The following ARL5A variants were observed in gnomAD, a reference collection of about 807,000 sequenced individuals.
ARL5A encodes ADP-ribosylation factor-like protein 5A.
In ARL5A, 18 loss-of-function variants were observed where a neutral mutation model predicts 25.9. The observed-to-expected ratio is 0.69, with a 90% CI of 0.48 to 1.03. ARL5A has a LOEUF of 1.03. ARL5A is among the 50% of genes least tolerant of loss of function. The probability of loss-of-function intolerance (pLI) is 0.00; values close to 1 mark genes in which losing one functional copy is unlikely to be tolerated. For missense variants in ARL5A, 170 were observed against 211.9 expected (o/e 0.80, Z 1.23); for synonymous variants, 61 against 67.5 (o/e 0.90, Z 0.47).
chr2:151,811,810 G>A lies in ARL5A; in HGVS notation c.339+547C>T, dbSNP rs184365460. On this transcript the variant is annotated intron_variant, in intron 4 of 5. Coordinates refer to ENST00000295087, the MANE Select transcript of ARL5A (RefSeq NM_012097.4). Reference sequence around the variant, plus strand: ...TGGTCTTGAACTCTTGGGCTCAAGCGATCCCCCCACCTCAGTCTCCTAAAG... The same window carrying A: ...TGGTCTTGAACTCTTGGGCTCAAGCAATCCCCCCACCTCAGTCTCCTAAAG... Among the ~76,000 whole-genome samples, 226 of 152,232 alleles carry A rather than the reference G, an allele frequency of 1.5e-3. 4 individuals are homozygous for A. The highest frequency in any genetic ancestry group is 0.014 in the Admixed American group (220 of 15,286).
chr2:151,811,513 GTAA>G (rs1272562922), intron 4 of ARL5A, among the ~76,000 whole-genome samples: 4 of 151,404 alleles, frequency 2.6e-5, no homozygotes, highest in Admixed American at 2.6e-4. Context: ...TTATGTTACC[GTAA>G]TATTTTTCTA....
chr2:151,824,746 CG>C (rs1184774000), intron 1 of ARL5A, among the ~76,000 whole-genome samples: 29 of 152,264 alleles, frequency 1.9e-4, no homozygotes, highest in Non-Finnish European at 3.5e-4. Flanking sequence ...TGCAAATGTG[CG>C]TGCGTGCATG....
Position 151,814,139 on chromosome 2 carries a change from T to C in ARL5A, c.255+30A>G, listed in dbSNP as rs75079368. 2.9e-4 allele frequency: 446 copies of C among 1,526,504 alleles called. No individual in the cohort carries two copies. In the African/African-American group the frequency reaches 4.6e-3, roughly 16 times the overall value. 94.6% of individuals were successfully genotyped at this position (1,526,504 alleles called of 1,614,324 possible). ...AGATGTTTTCCAAGCATTCTGTTTATAGAATTTTAAATATTGTAAGAAACA... is the reference window on the plus strand; with the variant it reads ...AGATGTTTTCCAAGCATTCTGTTTACAGAATTTTAAATATTGTAAGAAACA... On this transcript the variant is annotated intron_variant, in intron 3 of 5. Transcript: ENST00000295087.
In ARL5A at chr2:151,819,694, C is replaced by T. The variant is rs570342135; in HGVS notation, c.47-4495G>A. ...GGACTTGGTTACTATGTCCTAATTCCAAACCTGGTGCTTTTCTAACAGTTC... is the reference window on the plus strand; with the variant it reads ...GGACTTGGTTACTATGTCCTAATTCTAAACCTGGTGCTTTTCTAACAGTTC... On this transcript the variant is annotated intron_variant, in intron 1 of 5. Transcript: ENST00000295087. Among the ~76,000 whole-genome samples, 5 of 151,388 alleles carry T rather than the reference C, an allele frequency of 3.3e-5. No individual in the cohort carries two copies. The East Asian group carries it at 9.7e-4, about 29-fold the overall frequency.
In ARL5A at chr2:151,799,412, C is replaced by T. The variant is rs1233740943; in HGVS notation, c.*3864G>A. On this transcript the variant is annotated 3_prime_UTR_variant, in exon 6 of 6. Transcript: ENST00000295087. ...AAGAATGCCCTTAGATTATAGACTA[C>T]ATATAAATTTGGTTTGGCATCTTTT... is the stretch of plus-strand genomic sequence containing the variant. The T allele has an allele frequency of 1.3e-5, 2 of 151,982 alleles. No homozygotes were observed. Among genetic ancestry groups the T allele is most frequent in the African/African-American group, 4.8e-5 (2 of 41,364 alleles). The allele number at this position is 151,982 out of a possible 1,614,324, so 9.4% of individuals were successfully genotyped here.
intron 2 of ARL5A, among the ~76,000 whole-genome samples, chr2:151,814,893 A>G (rs577667087): frequency 6.6e-6 from 1 of 152,224 alleles, no homozygotes; most frequent in South Asian, 2.1e-4. Flanking sequence ...TCTACTTTCT[A>G]CAAACAAAAG....
Position 151,801,611 on chromosome 2 carries a change from C to G in ARL5A, c.*1665G>C, listed in dbSNP as rs1450837071. 6.6e-6 allele frequency: 1 copy of G among 152,048 alleles called. No individual in the cohort carries two copies. The highest frequency in any genetic ancestry group is 1.5e-5 in the Non-Finnish European group (1 of 67,922). 9.4% of individuals were successfully genotyped at this position (152,048 alleles called of 1,614,324 possible). ...CATTTTGAACATTATAAATATAAAA[C>G]ATAAAACATCCAATGTTAAATACTG... On this transcript the variant is annotated 3_prime_UTR_variant, in exon 6 of 6. Transcript: ENST00000295087.
rs887823649 is a variant in ARL5A, at chr2:151,802,673, A to G, written c.*603T>C. The G allele has an allele frequency of 1.3e-5, 2 of 152,418 alleles. No individual in the cohort carries two copies. Among genetic ancestry groups the G allele is most frequent in the African/African-American group, 2.4e-5 (1 of 41,340 alleles). 9.4% of individuals were successfully genotyped at this position (152,418 alleles called of 1,614,324 possible). ...GGTTAGTACAATACAGAGAACACAG[A>G]GAGAAAGTATAAAATGGCACTGAAC... is the stretch of plus-strand genomic sequence containing the variant. On this transcript the variant is annotated 3_prime_UTR_variant, in exon 6 of 6. Coordinates refer to ENST00000295087, the MANE Select transcript of ARL5A (RefSeq NM_012097.4).
At position 151,801,043 on chromosome 2, in the gene ARL5A, CATAT is replaced by C. The variant is rs556565973; in HGVS notation, c.*2229_*2232del. ...ACTTTTAAAATGATTTTGACATTTT[CATAT>C]ATAAATTTATTTTTTTCCCAACTAT... On this transcript the variant is annotated 3_prime_UTR_variant, in exon 6 of 6. Transcript: ENST00000295087. The C allele has an allele frequency of 9.8e-5, 15 of 152,666 alleles. No individual in the cohort carries two copies. In the South Asian group the frequency reaches 1.7e-3, roughly 17 times the overall value. 9.5% of individuals were successfully genotyped at this position (152,666 alleles called of 1,614,324 possible).
intron 1 of ARL5A, among the ~76,000 whole-genome samples, chr2:151,825,045 C>T (rs2099832859): frequency 6.6e-6 from 1 of 152,182 alleles, no homozygotes. Context: ...CTTGTAGAGA[C>T]AAAGTGAGTT....
At chr2:151,818,899 T>C (rs992220473) in intron 1 of ARL5A, among the ~76,000 whole-genome samples, 4 of 152,202 alleles carry the variant, frequency 2.6e-5, no homozygotes, top group Non-Finnish European at 5.9e-5. Flanking sequence ...TGTCAGCTTA[T>C]TTTTAAGTTA....
At chr2:151,812,220 A>G (rs919153268) in intron 4 of ARL5A, 137 bp downstream of exon 4, 4 of 517,116 alleles carry the variant, frequency 7.7e-6, no homozygotes, top group African/African-American at 5.8e-5. Context: ...TGTCAGAGTA[A>G]TTGAGCAGTG....
chr2:151,802,896 T>C lies in ARL5A; in HGVS notation c.*380A>G, dbSNP rs1270357771. On this transcript the variant is annotated 3_prime_UTR_variant, in exon 6 of 6. Transcript: ENST00000295087. ...GGAAACATTCGAATATCTGTGCTGA[T>C]TTGTATTCTGACTTAATGGAACAAG... 5.9e-6 allele frequency: 1 copy of C among 169,114 alleles called. No individual in the cohort carries two copies. The highest frequency in any genetic ancestry group is 2.4e-5 in the African/African-American group (1 of 41,724). The allele number at this position is 169,114 out of a possible 1,614,324, so 10.5% of individuals were successfully genotyped here.
chr2:151,803,269 G>C lies in ARL5A; in HGVS notation c.*7C>G. 6.2e-7 allele frequency: 1 copy of C among 1,609,300 alleles called. No individual in the cohort carries two copies. The highest frequency in any genetic ancestry group is 8.5e-7 in the Non-Finnish European group (1 of 1,175,738). ...ATACAAAATCTATGAGAAGAGGTCA[G>C]TAGAGATCATCTAATCTTAAGTCGT... On this transcript the variant is annotated 3_prime_UTR_variant, in exon 6 of 6. Coordinates refer to ENST00000295087, the MANE Select transcript of ARL5A (RefSeq NM_012097.4).
intron 1 of ARL5A, among the ~76,000 whole-genome samples, chr2:151,821,662 T>C (rs1269744827): frequency 7.2e-5 from 11 of 152,118 alleles, no homozygotes; most frequent in Admixed American, 7.2e-4. Context: ...TAGAGTGCAG[T>C]GGTGTGAGCT....
chr2:151,815,061 T>G, intron 2 of ARL5A, 78 bp downstream of exon 2: 1 of 1,047,622 alleles, frequency 9.5e-7, no homozygotes, highest in East Asian at 2.6e-5. Context: ...AATTTCTTAC[T>G]GCATTCATTG....
rs746948665 is a variant in ARL5A at position 151,812,464 on chromosome 2, T to A, written c.256-24A>T. 9.0e-6 allele frequency: 13 copies of A among 1,449,226 alleles called. No individual in the cohort carries two copies. In the East Asian group the frequency reaches 2.8e-4, roughly 31 times the overall value. 89.8% of individuals were successfully genotyped at this position (1,449,226 alleles called of 1,614,324 possible). A position where few individuals can be genotyped will look rare whatever the true frequency, so the allele number is the denominator to read the frequency against. ...AACTAAAATAATTACAAAAAAATTA[T>A]TAGTGATTATACAATTTGGTATCTG... is the stretch of plus-strand genomic sequence containing the variant. On this transcript the variant is annotated intron_variant, in intron 3 of 5. Transcript: ENST00000295087.
intron 1 of ARL5A, among the ~76,000 whole-genome samples, chr2:151,822,761 T>C (rs566991333): frequency 6.6e-6 from 1 of 152,186 alleles, no homozygotes; most frequent in Non-Finnish European, 1.5e-5. Flanking sequence ...TTTACTCAAA[T>C]AAGCCACAAC....
At chr2:151,818,595 A>G (rs1181387209) in intron 1 of ARL5A, among the ~76,000 whole-genome samples, 1 of 152,188 alleles carries the variant, frequency 6.6e-6, no homozygotes, top group Non-Finnish European at 1.5e-5. Flanking sequence ...TCTTTAGAGC[A>G]AGGCCATGCC....
Sources: gnomAD v4.1 joint callset for allele counts (sites outside exome capture counted in the v4.1 genomes callset) on GRCh38, gnomAD v4.1.1 for gene constraint, MANE v1.5 for transcripts, NCBI Gene and HGNC (gene_info 2026-07-23, HGNC 2026-07-21) for gene names.